CNTNAP2: variants seen among roughly 807,000 people sequenced by gnomAD.
The protein encoded by CNTNAP2 is contactin-associated protein-like 2.
A neutral mutation model predicts 155.2 loss-of-function variants in CNTNAP2; 98 were observed. That is an observed-to-expected ratio of 0.63 (90% confidence interval 0.54 to 0.75). The LOEUF (loss-of-function observed/expected upper bound fraction) is 0.75, where lower values mean the gene tolerates loss of function less well. Ranked by LOEUF, CNTNAP2 falls within the 30% of genes least tolerant of loss-of-function variation. CNTNAP2 has a pLI of 0.00. For missense variants in CNTNAP2, 1,727 were observed against 1,688.1 expected (o/e 1.02, Z -0.40); for synonymous variants, 651 against 631.2 (o/e 1.03, Z -0.47).
chr7:147,963,513 G>T (rs1801148805), intron 14 of CNTNAP2, among the ~76,000 whole-genome samples: 2 of 152,116 alleles, frequency 1.3e-5, no homozygotes, highest in Non-Finnish European at 2.9e-5. Flanking sequence ...TCCTAGAAAA[G>T]GGCGCAACAT....
At chr7:147,992,578 A>G (rs1486173152) in intron 15 of CNTNAP2, among the ~76,000 whole-genome samples, 1 of 152,222 alleles carries the variant, frequency 6.6e-6, no homozygotes, top group South Asian at 2.1e-4. Flanking sequence ...TGTCCCATCC[A>G]TAGTTTCTCA....
At chr7:148,212,528 T>G (rs746470058) in intron 18 of CNTNAP2, among the ~76,000 whole-genome samples, 2 of 152,230 alleles carry the variant, frequency 1.3e-5, no homozygotes, top group South Asian at 4.1e-4. Context: ...TATAGTAGTA[T>G]TATATTGTCT....
intron 1 of CNTNAP2, among the ~76,000 whole-genome samples, chr7:146,263,860 AATT>A (rs1185822490): frequency 1.3e-5 from 2 of 152,198 alleles, no homozygotes. Context: ...AATCCAGATA[AATT>A]ACCTGAGAGG....
At chr7:146,978,205 A>T (rs1173114921) in intron 3 of CNTNAP2, among the ~76,000 whole-genome samples, 1 of 152,184 alleles carries the variant, frequency 6.6e-6, no homozygotes, top group Non-Finnish European at 1.5e-5. Context: ...TAAAAATTCA[A>T]CTACCTTTGC....
rs548296807 is a variant in CNTNAP2 at position 148,281,818 on chromosome 7, G to A, written c.3475+14692G>A. ...AAATGAAGCCAAGGTCACATAGCTG[G>A]TACTTCACAACGTTTCCTTTTTTTT... On this transcript the variant is annotated intron_variant, in intron 21 of 23. Transcript: ENST00000361727. Among the ~76,000 whole-genome samples the A allele has an allele frequency of 3.1e-3, 458 of 147,952 alleles. 1 individual carries two copies. Among genetic ancestry groups the A allele is most frequent in the Admixed American group, 6.5e-3 (95 of 14,700 alleles).
At chr7:147,007,386 T>C (rs762500976) in intron 3 of CNTNAP2, among the ~76,000 whole-genome samples, 1 of 152,118 alleles carries the variant, frequency 6.6e-6, no homozygotes, top group Non-Finnish European at 1.5e-5. Flanking sequence ...CTTTCTTTCC[T>C]GCTATCTGTC....
intron 8 of CNTNAP2, among the ~76,000 whole-genome samples, chr7:147,240,661 ACT>A (rs58342718): frequency 0.26 from 39,426 of 151,762 alleles, 6,118 homozygotes; most frequent in East Asian, 0.71. Flanking sequence ...ACTGCAGGAG[ACT>A]CTGCAGTTAC....
chr7:148,402,045 G>A (rs1004724555), intron 22 of CNTNAP2, among the ~76,000 whole-genome samples: 1 of 152,194 alleles, frequency 6.6e-6, no homozygotes. Context: ...GATGGAAAGA[G>A]GGAGTACAAT....
chr7:148,383,706 G>T lies in CNTNAP2; in HGVS notation c.3533G>T (p.Cys1178Phe), dbSNP rs1469433088. ...TACAACACCCCAGGATTCACTGGTT[G>T]CCTCTCCAGAGTCCAGTTCAACCAG... is the stretch of plus-strand genomic sequence containing the variant. Reference protein sequence around the residue: ...HKYNTPGFTGCLSRVQFNQIA... With the variant: ...HKYNTPGFTGFLSRVQFNQIA... The change falls in exon 22 of 24, where the codon TGC becomes TTC. Residue 1178 changes from cysteine to phenylalanine, a missense_variant. Coordinates refer to ENST00000361727, the MANE Select transcript of CNTNAP2 (RefSeq NM_014141.6). 1.9e-6 allele frequency: 3 copies of T among 1,614,174 alleles called. No individual in the cohort carries two copies. The highest frequency in any genetic ancestry group is 2.5e-6 in the Non-Finnish European group (3 of 1,180,030).
chr7:146,385,767 G>C (rs377127760), intron 1 of CNTNAP2, among the ~76,000 whole-genome samples: 2 of 152,108 alleles, frequency 1.3e-5, no homozygotes, highest in Non-Finnish European at 2.9e-5. Flanking sequence ...TTTTCATTCC[G>C]TTGCAAAGAT....
intron 13 of CNTNAP2, among the ~76,000 whole-genome samples, chr7:147,849,363 T>C (rs1381099862): frequency 6.6e-6 from 1 of 152,192 alleles, no homozygotes; most frequent in African/African-American, 2.4e-5. Context: ...TTAATCATCT[T>C]TGAGATAACA....
chr7:147,949,029 C>T (rs2050292243), intron 14 of CNTNAP2, among the ~76,000 whole-genome samples: 1 of 151,696 alleles, frequency 6.6e-6, no homozygotes, highest in South Asian at 2.1e-4. Context: ...CGGAGAAACC[C>T]CATCTCTACT....
At chr7:148,195,930 C>T (rs2116724041) in intron 18 of CNTNAP2, among the ~76,000 whole-genome samples, 1 of 152,258 alleles carries the variant, frequency 6.6e-6, no homozygotes, top group East Asian at 1.9e-4. Flanking sequence ...AGCACGCATC[C>T]TTACAAATGC....
intron 8 of CNTNAP2, among the ~76,000 whole-genome samples, chr7:147,297,310 G>A (rs1026850843): frequency 1.6e-5 from 2 of 125,992 alleles, no homozygotes; most frequent in African/African-American, 6.3e-5. Context: ...ACCAGACATG[G>A]TTTTAACTTT....
chr7:147,186,958 T>G (rs1336150801), intron 8 of CNTNAP2, among the ~76,000 whole-genome samples: 1 of 100,194 alleles, frequency 1.0e-5, no homozygotes, highest in Non-Finnish European at 2.7e-5. Flanking sequence ...CTGAGCCCCA[T>G]TCTCAAAATT....
At position 147,470,469 on chromosome 7, in the gene CNTNAP2, A is replaced by G. The variant is rs115096315; in HGVS notation, c.1671-15466A>G. ...TTGGATTATGGTAATAGCAGTAGAG[A>G]TGGTAGCTATGATAGCGTCTTGGAT... On this transcript the variant is annotated intron_variant, in intron 10 of 23. Transcript: ENST00000361727. Among the ~76,000 whole-genome samples the G allele has an allele frequency of 7.8e-3, 1,192 of 152,110 alleles. 19 individuals carry two copies. Among genetic ancestry groups the G allele is most frequent in the African/African-American group, 0.027 (1,109 of 41,440 alleles).
At chr7:148,038,307 C>T (rs1990057) in intron 15 of CNTNAP2, among the ~76,000 whole-genome samples, 54,363 of 152,006 alleles carry the variant, frequency 0.36, 10,452 homozygotes, top group East Asian at 0.75. Context: ...CTGCCTTGAA[C>T]GCTGTATGCA....
intron 4 of CNTNAP2, among the ~76,000 whole-genome samples, chr7:147,063,862 TA>T (rs775254094): frequency 8.5e-5 from 13 of 152,192 alleles, no homozygotes; most frequent in South Asian, 8.3e-4. Flanking sequence ...AAAAGCAGTA[TA>T]AAAAATCTTA....
intron 1 of CNTNAP2, among the ~76,000 whole-genome samples, chr7:146,594,187 G>A (rs908495662): frequency 6.6e-6 from 1 of 152,110 alleles, no homozygotes. Flanking sequence ...ACCCAGTTCT[G>A]TTCTGAGGTC....
Sources: allele counts gnomAD v4.1 joint callset (sites outside exome capture counted in the v4.1 genomes callset), GRCh38; gene constraint gnomAD v4.1.1; transcripts MANE v1.5; gene names NCBI Gene and HGNC (gene_info 2026-07-23, HGNC 2026-07-21).